The following NOS2 variants were observed in gnomAD, a reference collection of about 807,000 sequenced individuals.
NOS2 encodes the protein nitric oxide synthase 2.
Under a neutral mutation model 136.0 loss-of-function variants are expected in NOS2, and 96 were observed. That is an observed-to-expected ratio of 0.71 (90% CI 0.60 to 0.84). NOS2 has a LOEUF of 0.84. Among genes scored for constraint, NOS2 ranks in the 40% least tolerant of loss-of-function variants. NOS2 has a pLI of 0.00. For synonymous variants in NOS2, 539 were observed against 587.5 expected, an observed-to-expected ratio of 0.92 and a Z score of 1.20; for missense variants, 1,237 against 1,496.9, an observed-to-expected ratio of 0.83 and a Z score of 2.87.
chr17:27,777,259 A>T (rs1230237291), intron 11 of NOS2, among the ~76,000 whole-genome samples: 1 of 152,234 alleles, frequency 6.6e-6, no homozygotes, highest in Non-Finnish European at 1.5e-5. Context: ...TGAGTAAAAC[A>T]CTGCTGAATG....
chr17:27,766,839 G>A (rs1471753319), intron 18 of NOS2, among the ~76,000 whole-genome samples: 1 of 152,046 alleles, frequency 6.6e-6, no homozygotes, highest in Non-Finnish European at 1.5e-5. Context: ...TGGAGGTCAA[G>A]AGTTTGAGAC....
intron 11 of NOS2, 104 bp from the exon 12 acceptor site, chr17:27,774,555 A>C (rs1908604130): frequency 2.5e-6 from 2 of 791,940 alleles, no homozygotes; most frequent in South Asian, 5.2e-5. Context: ...AGGCCTGGCA[A>C]TCTGTAACAC....
In NOS2 at chr17:27,794,714, G is replaced by GCACACACACACACA. The variant is rs56767383; in HGVS notation, c.110+3972_110+3985dup. Among the ~76,000 whole-genome samples the GCACACACACACACA allele has an allele frequency of 6.7e-3, 982 of 145,586 alleles. 14 individuals are homozygous for GCACACACACACACA. Among genetic ancestry groups the GCACACACACACACA allele is most frequent in the African/African-American group, 0.024 (930 of 39,472 alleles). On this transcript the variant is annotated intron_variant, in intron 2 of 26. Transcript: ENST00000313735. The stretch of plus-strand genomic sequence containing the variant: ...TACACACATGCGTACACACACACGC[G>GCACACACACACACA]CACACACACACACACACACACACAC...
chr17:27,799,142 G>A (rs1909451534), intron 1 of NOS2, among the ~76,000 whole-genome samples: 1 of 152,158 alleles, frequency 6.6e-6, no homozygotes, highest in Non-Finnish European at 1.5e-5. Flanking sequence ...AGGACAAACT[G>A]TATGCACCAT....
intron 22 of NOS2, among the ~76,000 whole-genome samples, chr17:27,761,664 C>G (rs1265579417): frequency 1.3e-5 from 2 of 152,182 alleles, no homozygotes; most frequent in Admixed American, 6.5e-5. Flanking sequence ...TGTGCGTGCT[C>G]ATGAGCGTGG....
At chr17:27,779,154 C>T in intron 9 of NOS2, 98 bp from the exon 10 acceptor site, 1 of 957,760 alleles carries the variant, frequency 1.0e-6, no homozygotes, top group Non-Finnish European at 1.4e-6. Flanking sequence ...GTTGCTCATG[C>T]TGGAGTGCAG....
At chr17:27,778,041 A>T (rs992360205) in intron 11 of NOS2, among the ~76,000 whole-genome samples, 6 of 152,080 alleles carry the variant, frequency 3.9e-5, no homozygotes, top group African/African-American at 1.4e-4. Context: ...TCTCAAAAAA[A>T]AAAAAAGGAA....
chr17:27,792,580 T>C (rs539455804), intron 2 of NOS2, among the ~76,000 whole-genome samples: 2 of 152,140 alleles, frequency 1.3e-5, no homozygotes, highest in African/African-American at 4.8e-5. Flanking sequence ...GACACTTCTT[T>C]CCAAATTATC....
rs1407980776 is a variant in NOS2 at position 27,768,876 on chromosome 17, A to G, written c.2034+101T>C. 18 of 1,282,076 alleles carry G rather than the reference A, an allele frequency of 1.4e-5. 1 individual carries two copies. The South Asian group carries it at 2.5e-4, about 18-fold the overall frequency. 79.4% of individuals were successfully genotyped at this position (1,282,076 alleles called of 1,614,324 possible). ...CCTGGGACCACATCTACAGGACCAC[A>G]GGCAGAGGTCATGCCACCTGGGACG... On this transcript the variant is annotated intron_variant, in intron 17 of 26. Coordinates refer to ENST00000313735, the MANE Select transcript of NOS2 (RefSeq NM_000625.4).
chr17:27,769,513 A>C, intron 16 of NOS2, 22 bp downstream of exon 16: 2 of 1,607,794 alleles, frequency 1.2e-6, no homozygotes, highest in South Asian at 2.2e-5. Flanking sequence ...GGCTAGGAGT[A>C]GGACAACGGA....
chr17:27,795,598 G>T (rs928167845), intron 2 of NOS2, among the ~76,000 whole-genome samples: 9 of 152,194 alleles, frequency 5.9e-5, no homozygotes, highest in Admixed American at 4.6e-4. Context: ...CCATGCAGGG[G>T]TCCCTCTGGA....
At chr17:27,761,100 G>A in intron 23 of NOS2, 44 bp downstream of exon 23, 4 of 1,488,472 alleles carry the variant, frequency 2.7e-6, no homozygotes, top group Non-Finnish European at 3.6e-6. Flanking sequence ...GGAACTCCCA[G>A]GGGTCGGCGG....
rs1443847007 is a variant in NOS2, at chr17:27,782,978, C to G, written c.596G>C (p.Arg199Pro). The change falls in exon 6 of 27, where the codon CGC (arginine) becomes CCC (proline). Residue 199 changes from arginine to proline, a missense_variant. Physicochemically the swap from Arg to Pro is moderately radical, Grantham distance 103. This residue lies in a region of NOS2 where 440 missense variants were observed against 545.4 expected (regional missense o/e 0.81). Transcript: ENST00000313735. ...GGACCACTGGATCCTCCCAATGCAG[C>G]GTGGGGCATTGCGCCAGGCCTGCTT... The part of the protein sequence containing the change: ...ATKQAWRNAP[R>P]CIGRIQWSNL... 1 of 1,614,194 alleles carries G rather than the reference C, an allele frequency of 6.2e-7. No individual in the cohort carries two copies. Among genetic ancestry groups the G allele is most frequent in the Non-Finnish European group, 8.5e-7 (1 of 1,180,030 alleles).
At chr17:27,781,710 T>C (rs528719777) in intron 7 of NOS2, among the ~76,000 whole-genome samples, 46 of 152,312 alleles carry the variant, frequency 3.0e-4, no homozygotes, top group Middle Eastern at 3.4e-3. Context: ...GTCCCATGCC[T>C]TCTAAAAAAT....
chr17:27,760,252 C>A, intron 24 of NOS2, 74 bp from the exon 25 acceptor site: 16 of 1,412,010 alleles, frequency 1.1e-5, no homozygotes, highest in Non-Finnish European at 1.4e-5. Context: ...AACTGGAATT[C>A]TCACTTCACT....
chr17:27,760,243 A>G, intron 24 of NOS2, 65 bp from the exon 25 acceptor site: 4 of 1,467,992 alleles, frequency 2.7e-6, no homozygotes, highest in African/African-American at 1.4e-5. Flanking sequence ...TCCAAGCCCA[A>G]CTGGAATTCT....
intron 2 of NOS2, among the ~76,000 whole-genome samples, chr17:27,795,914 A>G (rs1909340332): frequency 6.6e-6 from 1 of 152,144 alleles, no homozygotes; most frequent in Non-Finnish European, 1.5e-5. Flanking sequence ...CTGAACTCAT[A>G]TTTCCTGAAT....
At chr17:27,778,048 G>A (rs1466171098) in intron 11 of NOS2, among the ~76,000 whole-genome samples, 3 of 150,502 alleles carry the variant, frequency 2.0e-5, no homozygotes, top group African/African-American at 7.4e-5. Flanking sequence ...AAAAAAAAAA[G>A]GAAAAGAAAG....
chr17:27,762,767 G>T, intron 22 of NOS2, 31 bp downstream of exon 22: 3 of 1,458,614 alleles, frequency 2.1e-6, no homozygotes, highest in Non-Finnish European at 2.8e-6. Flanking sequence ...GGCGGAGCGG[G>T]GCTGTTCCAG....
Sources: allele counts gnomAD v4.1 joint callset (sites outside exome capture counted in the v4.1 genomes callset), GRCh38; gene constraint gnomAD v4.1.1; regional missense constraint gnomAD v4.1.1; transcripts MANE v1.5; gene names NCBI Gene and HGNC (gene_info 2026-07-23, HGNC 2026-07-21).